MKRN2: variants seen among roughly 807,000 people sequenced by gnomAD.
MKRN2 encodes the protein makorin ring finger protein 2, also known as E3 ubiquitin-protein ligase makorin-2.
Under a neutral mutation model 45.4 loss-of-function variants are expected in MKRN2, and 32 were observed. The observed-to-expected ratio is 0.70, with a 90% CI of 0.53 to 0.95. The LOEUF is 0.95. Ranked by LOEUF, MKRN2 falls within the 40% of genes least tolerant of loss-of-function variation. MKRN2 has a pLI of 0.00. For synonymous variants in MKRN2, 206 were observed against 192.4 expected (o/e 1.07, Z -0.59); for missense variants, 526 against 536.7 (o/e 0.98, Z 0.20).
rs772958057 is a variant in MKRN2, at chr3:12,574,805, C to G, written c.656C>G (p.Thr219Arg). Residue 219 changes from threonine (T) to arginine (R), a missense_variant, in exon 5 of 8, where the codon ACG becomes AGG. Thr to Arg is a moderately conservative substitution (Grantham distance 71). Coordinates refer to ENST00000170447, the MANE Select transcript of MKRN2 (RefSeq NM_014160.5). ...TCTGTGCTTCAGATCTGCATGTTGA[C>G]GTTCGAACACGAGATGGAAAAGGCC... ...RKAHEKICMLTFEHEMEKAFA... is the reference protein window; with the variant it reads ...RKAHEKICMLRFEHEMEKAFA... The G allele has an allele frequency of 2.5e-6, 4 of 1,613,154 alleles. No homozygotes were observed. The South Asian group carries it at 4.4e-5, about 18-fold the overall frequency.
intron 1 of MKRN2, among the ~76,000 whole-genome samples, chr3:12,563,368 T>G (rs1461684167): frequency 6.6e-6 from 1 of 152,150 alleles, no homozygotes; most frequent in Non-Finnish European, 1.5e-5. Flanking sequence ...AGGTTTCTGA[T>G]TGGGGCGGAT....
intron 6 of MKRN2, among the ~76,000 whole-genome samples, chr3:12,580,605 C>G (rs1041817600): frequency 4.6e-5 from 7 of 152,154 alleles, no homozygotes; most frequent in African/African-American, 1.7e-4. Flanking sequence ...ATTACAGGTG[C>G]CAGCCACCAC....
chr3:12,567,218 T>C (rs2058073486), intron 1 of MKRN2, among the ~76,000 whole-genome samples: 1 of 152,012 alleles, frequency 6.6e-6, no homozygotes, highest in African/African-American at 2.4e-5. Context: ...TGTGTTTTTT[T>C]TTTTTAAGCC....
At chr3:12,581,260 C>G (rs570542562) in intron 6 of MKRN2, among the ~76,000 whole-genome samples, 5 of 152,312 alleles carry the variant, frequency 3.3e-5, no homozygotes, top group Non-Finnish European at 7.4e-5. Context: ...CGTGAAGAAG[C>G]CCTCCCTGGT....
At chr3:12,572,626 C>A (rs1217655124) in intron 4 of MKRN2, among the ~76,000 whole-genome samples, 1 of 151,952 alleles carries the variant, frequency 6.6e-6, no homozygotes, top group Non-Finnish European at 1.5e-5. Flanking sequence ...CCCTCTCACC[C>A]AGGCTGGAGT....
intron 4 of MKRN2, 46 bp downstream of exon 4, chr3:12,572,419 A>G (rs762502924): frequency 4.6e-6 from 7 of 1,506,562 alleles, no homozygotes; most frequent in African/African-American, 1.4e-5. Context: ...GAAATCTGAA[A>G]TGTACTGAAC....
intron 2 of MKRN2, 94 bp downstream of exon 2, chr3:12,569,097 G>A (rs1385978466): frequency 2.9e-6 from 4 of 1,398,048 alleles, no homozygotes; most frequent in Non-Finnish European, 3.8e-6. Context: ...AAGTAATATG[G>A]CAACATCACA....
At chr3:12,580,012 T>TGGCA (rs542428141) in intron 6 of MKRN2, among the ~76,000 whole-genome samples, 1 of 152,118 alleles carries the variant, frequency 6.6e-6, no homozygotes, top group Non-Finnish European at 1.5e-5. Flanking sequence ...GAAGTGGCCC[T>TGGCA]GGCAGGCAGG....
chr3:12,574,889 A>G lies in MKRN2; in HGVS notation c.740A>G (p.Glu247Gly), dbSNP rs2058121539. Reference sequence around the variant, plus strand: ...AGTATCTGCATGGAAGTGATCCTGGAGAAGGCCTCTGCTTCTGAGAGGAGA... The same window carrying G: ...AGTATCTGCATGGAAGTGATCCTGGGGAAGGCCTCTGCTTCTGAGAGGAGA... ...VCSICMEVILEKASASERRFG... is the reference protein window; with the variant it reads ...VCSICMEVILGKASASERRFG... The change falls in exon 5 of 8, where the codon GAG (glutamate) becomes GGG (glycine). Residue 247 changes from glutamate (E) to glycine (G), a missense_variant. Transcript: ENST00000170447. 2 of 1,614,086 alleles carry G rather than the reference A, an allele frequency of 1.2e-6. No individual in the cohort carries two copies. The highest frequency in any genetic ancestry group is 1.3e-5 in the African/African-American group (1 of 74,948).
chr3:12,567,428 C>G (rs1165774318), intron 1 of MKRN2, among the ~76,000 whole-genome samples: 1 of 149,072 alleles, frequency 6.7e-6, no homozygotes, highest in Non-Finnish European at 1.5e-5. Flanking sequence ...TACCACCATG[C>G]TAGGCTAATT....
chr3:12,557,112 G>A lies in MKRN2; in HGVS notation c.-39G>A. ...AAGGCCGAGGCGGCAGCGGCTGCGAGAGGCGGCGGCACGACGACGGTCCCT... is the reference window on the plus strand; with the variant it reads ...AAGGCCGAGGCGGCAGCGGCTGCGAAAGGCGGCGGCACGACGACGGTCCCT... On this transcript the variant is annotated 5_prime_UTR_variant, in exon 1 of 8. Coordinates refer to ENST00000170447, the MANE Select transcript of MKRN2 (RefSeq NM_014160.5). 6.7e-7 allele frequency: 1 copy of A among 1,492,716 alleles called. No individual in the cohort carries two copies. Among genetic ancestry groups the A allele is most frequent in the Non-Finnish European group, 8.9e-7 (1 of 1,123,832 alleles). The allele number at this position is 1,492,716 out of a possible 1,614,324, so 92.5% of individuals were successfully genotyped here.
At position 12,576,534 on chromosome 3, in the gene MKRN2, C is replaced by G. The variant is rs959774733; in HGVS notation, c.858-97C>G. 6.8e-6 allele frequency: 5 copies of G among 734,160 alleles called. No individual in the cohort carries two copies. In the African/African-American group the frequency reaches 9.0e-5, roughly 13 times the overall value. 45.5% of individuals were successfully genotyped at this position (734,160 alleles called of 1,614,324 possible). On this transcript the variant is annotated intron_variant, in intron 5 of 7. Coordinates refer to ENST00000170447, the MANE Select transcript of MKRN2 (RefSeq NM_014160.5). ...TTTGGAATTTCTGGTGAAGGAAATG[C>G]CTGTAGTGGTGAGGCAGTTGAGCAA...
intron 1 of MKRN2, among the ~76,000 whole-genome samples, chr3:12,562,612 G>C (rs2058045474): frequency 6.6e-6 from 1 of 152,108 alleles, no homozygotes; most frequent in Admixed American, 6.6e-5. Context: ...CCACACAGCA[G>C]GAGGTGAGTA....
At chr3:12,577,378 T>C (rs1559391812) in intron 6 of MKRN2, 1 of 152,234 alleles carries the variant, frequency 6.6e-6, no homozygotes. Context: ...TCTGTCTTGT[T>C]TTTTTCTTTT....
chr3:12,573,236 G>C (rs1046647490), intron 4 of MKRN2, among the ~76,000 whole-genome samples: 9 of 152,032 alleles, frequency 5.9e-5, no homozygotes, highest in African/African-American at 2.2e-4. Flanking sequence ...GATAAGAGGC[G>C]GGGGAGGGCC....
At chr3:12,571,951 A>C in intron 3 of MKRN2, 118 bp from the exon 4 acceptor site, 1 of 967,826 alleles carries the variant, frequency 1.0e-6, no homozygotes, top group Non-Finnish European at 1.4e-6. Context: ...TTTTTGCCAT[A>C]TGTTCTCAAG....
chr3:12,568,396 G>A (rs2058081166), intron 1 of MKRN2, among the ~76,000 whole-genome samples: 2 of 152,184 alleles, frequency 1.3e-5, no homozygotes. Flanking sequence ...TCCTCACCAC[G>A]ACCAGTTAAG....
chr3:12,581,736 A>AG (rs2125309467), intron 6 of MKRN2, 72 bp from the exon 7 acceptor site: 1 of 1,539,496 alleles, frequency 6.5e-7, no homozygotes, highest in African/African-American at 1.4e-5. Flanking sequence ...GTAAGGATGG[A>AG]GGCAGGCAGT....
chr3:12,563,302 T>C (rs1313492852), intron 1 of MKRN2, among the ~76,000 whole-genome samples: 1 of 152,088 alleles, frequency 6.6e-6, no homozygotes, highest in Non-Finnish European at 1.5e-5. Context: ...AACTGTCAGG[T>C]AGGTCTGGTC....
Sources: gnomAD v4.1 joint callset for allele counts (sites outside exome capture counted in the v4.1 genomes callset) on GRCh38, gnomAD v4.1.1 for gene constraint, MANE v1.5 for transcripts, NCBI Gene and HGNC (gene_info 2026-07-23, HGNC 2026-07-21) for gene names.